The following PXK variants were observed in gnomAD, a reference collection of about 807,000 sequenced individuals.
PXK encodes PX domain containing serine/threonine kinase like.
PXK carries 35 observed loss-of-function variants against 84.7 expected under a neutral mutation model. That is an observed-to-expected ratio of 0.41 (90% CI 0.32 to 0.55). The LOEUF (loss-of-function observed/expected upper bound fraction) is 0.55. PXK is among the 20% of genes least tolerant of loss of function. The pLI is 0.21. For missense variants in PXK, 634 were observed against 699.7 expected, an observed-to-expected ratio of 0.91 and a Z score of 1.06; for synonymous variants, 253 against 260.8, an observed-to-expected ratio of 0.97 and a Z score of 0.29.
At chr3:58,350,074 G>C (rs2097894380) in intron 1 of PXK, among the ~76,000 whole-genome samples, 1 of 152,182 alleles carries the variant, frequency 6.6e-6, no homozygotes, top group Non-Finnish European at 1.5e-5. Flanking sequence ...GGAGGACCCT[G>C]TTCCGTTTTT....
chr3:58,425,236 A>G lies in PXK; in HGVS notation c.*276A>G. 2.6e-6 allele frequency: 1 copy of G among 377,708 alleles called. No individual in the cohort carries two copies. Among genetic ancestry groups the G allele is most frequent in the East Asian group, 5.5e-5 (1 of 18,142 alleles). The allele number at this position is 377,708 out of a possible 1,614,324, so 23.4% of individuals were successfully genotyped here. ...ATGGCCAGGCTTTTGGGACAGCAGC[A>G]TATTGAAATATTTTCACCAACTAAA... is the stretch of plus-strand genomic sequence containing the variant. On this transcript the variant is annotated 3_prime_UTR_variant, in exon 18 of 18. Coordinates refer to ENST00000356151, the MANE Select transcript of PXK (RefSeq NM_017771.5).
chr3:58,356,307 G>A (rs1212120524), intron 1 of PXK, among the ~76,000 whole-genome samples: 3 of 152,184 alleles, frequency 2.0e-5, no homozygotes, highest in African/African-American at 7.2e-5. Flanking sequence ...GCAGGGTTTG[G>A]TGGCAGGCTG....
At chr3:58,423,257 C>G in intron 17 of PXK, 2 of 974,624 alleles carry the variant, frequency 2.1e-6, no homozygotes, top group Non-Finnish European at 2.4e-6. Context: ...ATCTCTGTAA[C>G]CTGGTGACAT....
chr3:58,351,031 C>CT lies in PXK; in HGVS notation c.103-14840dup, dbSNP rs574841225. Among the ~76,000 whole-genome samples the CT allele has an allele frequency of 1.3e-4, 20 of 152,240 alleles. No homozygotes were observed. The South Asian group carries it at 4.1e-3, about 32-fold the overall frequency. The stretch of plus-strand genomic sequence containing the variant: ...TGTTACAAGTAGAAGAGCTCCTTTA[C>CT]TTTACTTTCATCTTCTGTTTTCCCA... On this transcript the variant is annotated intron_variant, in intron 1 of 17. Transcript: ENST00000356151.
rs1161450715 is a variant in PXK, at chr3:58,397,576, T to C, written c.985-29T>C. On this transcript the variant is annotated intron_variant, in intron 10 of 17. Coordinates refer to ENST00000356151, the MANE Select transcript of PXK (RefSeq NM_017771.5). The surrounding 1 kb of genome is among the most constrained non-coding windows in gnomAD (Gnocchi z 4.7). ...GGGTCCACAAAGCCAAAGTGAAGGGTGAACACGCTGCTACTCTTTCTTCCA... is the reference window on the plus strand; with the variant it reads ...GGGTCCACAAAGCCAAAGTGAAGGGCGAACACGCTGCTACTCTTTCTTCCA... The C allele has an allele frequency of 2.5e-6, 4 of 1,577,626 alleles. No homozygotes were observed. The highest frequency in any genetic ancestry group is 1.7e-5 in the Admixed American group (1 of 59,946).
chr3:58,399,247 G>A lies in PXK; in HGVS notation c.1103-52G>A, dbSNP rs987358058. ...GGTGTTAAACTTTTCATCAGCAAGT[G>A]GATTTGCCAGCGTGTTCTGTGGAAC... is the stretch of plus-strand genomic sequence containing the variant. On this transcript the variant is annotated intron_variant, in intron 11 of 17. Coordinates refer to ENST00000356151, the MANE Select transcript of PXK (RefSeq NM_017771.5). This position sits in a 1 kb window ranked among gnomAD's most constrained non-coding sequence, Gnocchi z 4.3. 3 of 1,517,588 alleles carry A rather than the reference G, an allele frequency of 2.0e-6. No individual in the cohort carries two copies. The highest frequency in any genetic ancestry group is 3.4e-4 in the Middle Eastern group (2 of 5,896). 94.0% of individuals were successfully genotyped at this position (1,517,588 alleles called of 1,614,324 possible). A position where few individuals can be genotyped will look rare whatever the true frequency, so the allele number is the denominator to read the frequency against.
chr3:58,357,872 C>A (rs2098118235), intron 1 of PXK, among the ~76,000 whole-genome samples: 1 of 152,042 alleles, frequency 6.6e-6, no homozygotes, highest in African/African-American at 2.4e-5. Context: ...ATTATATGAA[C>A]CCGGGAAGCA....
Position 58,409,498 on chromosome 3 carries a change from G to T in PXK, c.1309-34G>T. 6.4e-7 allele frequency: 1 copy of T among 1,573,942 alleles called. No homozygotes were observed. ...GATTTTCATTAGGAAGCTGCCTTAT[G>T]TGGGATATGCTTACATCTTATGGTC... is the stretch of plus-strand genomic sequence containing the variant. On this transcript the variant is annotated intron_variant, in intron 14 of 17. Transcript: ENST00000356151. This position sits in a 1 kb window ranked among gnomAD's most constrained non-coding sequence, Gnocchi z 4.2.
intron 3 of PXK, 55 bp downstream of exon 3, chr3:58,369,533 A>T: frequency 6.7e-7 from 1 of 1,494,258 alleles, no homozygotes; most frequent in South Asian, 1.1e-5. Context: ...TGTCTAAAAA[A>T]CTGGCTGGAG....
At chr3:58,368,401 C>T (rs1008596877) in intron 2 of PXK, among the ~76,000 whole-genome samples, 1 of 152,174 alleles carries the variant, frequency 6.6e-6, no homozygotes, top group Admixed American at 6.5e-5. Context: ...CTGCTCACTG[C>T]AATCTCTGCC....
In PXK at chr3:58,409,679, C is replaced by T. The variant is rs1372070909; in HGVS notation, c.1395+61C>T. On this transcript the variant is annotated intron_variant, in intron 15 of 17. Transcript: ENST00000356151. This position sits in a 1 kb window ranked among gnomAD's most constrained non-coding sequence, Gnocchi z 4.2. ...TTCTTGAGTACATGTGAAGAAAGTT[C>T]TAGGTTAATGGTGCCCATTTAATGA... The T allele has an allele frequency of 7.3e-7, 1 of 1,367,996 alleles. No individual in the cohort carries two copies. The highest frequency in any genetic ancestry group is 1.0e-6 in the Non-Finnish European group (1 of 986,590). The allele number at this position is 1,367,996 out of a possible 1,614,324, so 84.7% of individuals were successfully genotyped here. A position where few individuals can be genotyped will look rare whatever the true frequency, so the allele number is the denominator to read the frequency against.
chr3:58,355,980 G>C (rs1330334334), intron 1 of PXK, among the ~76,000 whole-genome samples: 1 of 151,994 alleles, frequency 6.6e-6, no homozygotes, highest in Non-Finnish European at 1.5e-5. Context: ...GCTGAGCTGA[G>C]ATCTACCACC....
At position 58,397,608 on chromosome 3, in the gene PXK, T is replaced by C. The variant is rs1483500868; in HGVS notation, c.988T>C (p.Leu330=). ...GCTGCTACTCTTTCTTCCACAGACATTGGAAAGTGTGGATGTCCACTGCTT... is the reference window on the plus strand; with the variant it reads ...GCTGCTACTCTTTCTTCCACAGACACTGGAAAGTGTGGATGTCCACTGCTT... The part of the protein sequence containing the change: ...YFSQFRKINT[L]ESVDVHCFGH... Residue 330 remains leucine, a synonymous_variant, in exon 11 of 18, where the codon TTG becomes CTG. Coordinates refer to ENST00000356151, the MANE Select transcript of PXK (RefSeq NM_017771.5). This position sits in a 1 kb window ranked among gnomAD's most constrained non-coding sequence, Gnocchi z 4.7. 1 of 1,611,296 alleles carries C rather than the reference T, an allele frequency of 6.2e-7. No homozygotes were observed. Among genetic ancestry groups the C allele is most frequent in the South Asian group, 1.1e-5 (1 of 91,026 alleles).
intron 1 of PXK, among the ~76,000 whole-genome samples, chr3:58,349,712 C>A (rs532459918): frequency 6.6e-6 from 1 of 152,350 alleles, no homozygotes; most frequent in South Asian, 2.1e-4. Context: ...TAACTGCACA[C>A]TATCCAGTAT....
chr3:58,369,368 A>T, intron 2 of PXK, 63 bp from the exon 3 acceptor site: 1 of 1,317,374 alleles, frequency 7.6e-7, no homozygotes, highest in Non-Finnish European at 1.1e-6. Flanking sequence ...AATACATATT[A>T]AATAAAGAAA....
chr3:58,422,866 T>C, intron 17 of PXK: 3 of 985,430 alleles, frequency 3.0e-6, no homozygotes, highest in Non-Finnish European at 3.6e-6. Flanking sequence ...CGAGAGCCTG[T>C]CCTTAACTGC....
chr3:58,397,565 A>G lies in PXK; in HGVS notation c.985-40A>G. The stretch of plus-strand genomic sequence containing the variant: ...CAGGAGCGCGAGGGTCCACAAAGCC[A>G]AAGTGAAGGGTGAACACGCTGCTAC... On this transcript the variant is annotated intron_variant, in intron 10 of 17. Transcript: ENST00000356151. The surrounding 1 kb of genome is among the most constrained non-coding windows in gnomAD (Gnocchi z 4.7). The G allele has an allele frequency of 6.4e-7, 1 of 1,553,850 alleles. No homozygotes were observed. The highest frequency in any genetic ancestry group is 8.9e-7 in the Non-Finnish European group (1 of 1,125,306).
At chr3:58,394,093 C>T (rs2098657594) in intron 7 of PXK, among the ~76,000 whole-genome samples, 2 of 152,126 alleles carry the variant, frequency 1.3e-5, no homozygotes, top group South Asian at 4.1e-4. Context: ...CAGCAGCAAC[C>T]ATTTTGATGT....
intron 1 of PXK, among the ~76,000 whole-genome samples, chr3:58,340,447 G>C (rs1382839109): frequency 1.3e-5 from 2 of 150,744 alleles, no homozygotes; most frequent in East Asian, 4.1e-4. Flanking sequence ...AAAGTTTAAG[G>C]CTGGTGTGGT....
Sources: gnomAD v4.1 joint callset for allele counts (sites outside exome capture counted in the v4.1 genomes callset) on GRCh38, gnomAD v4.1.1 for gene constraint, Gnocchi (gnomAD v3.1) non-coding constraint, MANE v1.5 for transcripts, NCBI Gene and HGNC (gene_info 2026-07-23, HGNC 2026-07-21) for gene names.